AIG1: variants seen among roughly 807,000 people sequenced by gnomAD.
The protein encoded by AIG1 is androgen induced 1, also known as androgen-induced gene 1 protein.
Under a neutral mutation model 31.4 loss-of-function variants are expected in AIG1, and 23 were observed. The ratio of observed to expected loss-of-function variants is 0.73; its 90% CI spans 0.53 to 1.04. The LOEUF (loss-of-function observed/expected upper bound fraction) is 1.04, where lower values mean the gene tolerates loss of function less well. Ranked by LOEUF, AIG1 falls within the 50% of genes least tolerant of loss-of-function variation. AIG1 has a pLI of 0.00. For synonymous variants in AIG1, 100 were observed against 110.5 expected, an observed-to-expected ratio of 0.90 and a Z score of 0.60; for missense variants, 274 against 295.0, an observed-to-expected ratio of 0.93 and a Z score of 0.52.
intron 1 of AIG1, 120 bp downstream of exon 1, chr6:143,061,186 TC>T: frequency 8.2e-7 from 1 of 1,213,700 alleles, no homozygotes; most frequent in Non-Finnish European, 1.2e-6. Context: ...GCCTCCAGCA[TC>T]CACCCGTGTC....
intron 4 of AIG1, among the ~76,000 whole-genome samples, chr6:143,307,095 C>A (rs1799370262): frequency 6.6e-6 from 1 of 152,104 alleles, no homozygotes; most frequent in South Asian, 2.1e-4. Context: ...TCTAGTTATA[C>A]ATTCGTCTAA....
At chr6:143,274,719 T>C (rs915266430) in intron 3 of AIG1, among the ~76,000 whole-genome samples, 1 of 152,212 alleles carries the variant, frequency 6.6e-6, no homozygotes. Flanking sequence ...AAGCAGTGTG[T>C]GTCAGTAAAA....
intron 1 of AIG1, among the ~76,000 whole-genome samples, chr6:143,069,036 A>G (rs1776996285): frequency 6.6e-6 from 1 of 151,094 alleles, no homozygotes. Flanking sequence ...TTCTCTTGAA[A>G]TGGAGTCTCA....
chr6:143,149,493 C>T, intron 2 of AIG1, among the ~76,000 whole-genome samples: 1 of 138,178 alleles, frequency 7.2e-6, no homozygotes, highest in East Asian at 2.3e-4. Context: ...CGCCACTGCA[C>T]TCGCACTCTA....
intron 2 of AIG1, among the ~76,000 whole-genome samples, chr6:143,138,569 T>C (rs1783961317): frequency 6.6e-6 from 1 of 152,102 alleles, no homozygotes; most frequent in African/African-American, 2.4e-5. Flanking sequence ...GTGGAAGCCT[T>C]CGTTGGCTAG....
intron 3 of AIG1, among the ~76,000 whole-genome samples, chr6:143,269,157 C>A (rs1796340005): frequency 1.3e-5 from 2 of 152,232 alleles, no homozygotes; most frequent in African/African-American, 4.8e-5. Flanking sequence ...TAATAAACTT[C>A]TGCATGCTGA....
chr6:143,130,465 C>T (rs1783113658), intron 1 of AIG1, among the ~76,000 whole-genome samples: 1 of 151,758 alleles, frequency 6.6e-6, no homozygotes, highest in Non-Finnish European at 1.5e-5. Flanking sequence ...ACCTGCAATC[C>T]CAGCACTTTG....
intron 1 of AIG1, among the ~76,000 whole-genome samples, chr6:143,127,076 A>G (rs1312160408): frequency 2.0e-5 from 3 of 152,180 alleles, no homozygotes; most frequent in Admixed American, 6.5e-5. Flanking sequence ...TAGATAGACT[A>G]TTCCTCTCTG....
At chr6:143,085,667 C>A (rs1778705811) in intron 1 of AIG1, among the ~76,000 whole-genome samples, 1 of 152,136 alleles carries the variant, frequency 6.6e-6, no homozygotes, top group African/African-American at 2.4e-5. Flanking sequence ...TTTTTTGATT[C>A]CGTAAGTACT....
chr6:143,243,878 C>T (rs903215434), intron 3 of AIG1, among the ~76,000 whole-genome samples: 4 of 152,186 alleles, frequency 2.6e-5, no homozygotes, highest in Admixed American at 2.6e-4. Context: ...CCTCCTGCTG[C>T]CAATACAGAC....
At chr6:143,143,528 A>AAAAAAAATATAT (rs1554249782) in intron 2 of AIG1, among the ~76,000 whole-genome samples, 1 of 27,792 alleles carries the variant, frequency 3.6e-5, no homozygotes, top group African/African-American at 9.6e-5. Flanking sequence ...AAAAAAAAAA[A>AAAAAAAATATAT]ATATATATAT....
At chr6:143,231,409 G>C (rs4895603) in intron 3 of AIG1, among the ~76,000 whole-genome samples, 2 of 152,174 alleles carry the variant, frequency 1.3e-5, no homozygotes, top group Non-Finnish European at 2.9e-5. Context: ...ATAAGATGAG[G>C]CGCATTGACT....
At chr6:143,064,025 A>C (rs895584650) in intron 1 of AIG1, among the ~76,000 whole-genome samples, 10 of 152,270 alleles carry the variant, frequency 6.6e-5, no homozygotes, top group Admixed American at 2.0e-4. Flanking sequence ...TAAGAGAACT[A>C]AGGTGTTTTT....
intron 1 of AIG1, among the ~76,000 whole-genome samples, chr6:143,107,684 A>G (rs1008931960): frequency 2.0e-5 from 3 of 152,212 alleles, no homozygotes; most frequent in African/African-American, 7.2e-5. Flanking sequence ...ACAGGACAGG[A>G]AAGAGGGGAA....
chr6:143,100,936 C>T (rs564270590), intron 1 of AIG1, among the ~76,000 whole-genome samples: 30 of 152,248 alleles, frequency 2.0e-4, no homozygotes, highest in Non-Finnish European at 3.4e-4. Context: ...CCACCCGCCT[C>T]GGCCTCCCAA....
intron 2 of AIG1, among the ~76,000 whole-genome samples, chr6:143,140,397 C>T (rs1784148706): frequency 6.6e-6 from 1 of 152,106 alleles, no homozygotes; most frequent in Non-Finnish European, 1.5e-5. Context: ...TGTTATTTCC[C>T]ACCTTTCCTT....
chr6:143,102,455 GAT>G (rs371528173), intron 1 of AIG1, among the ~76,000 whole-genome samples: 52 of 141,416 alleles, frequency 3.7e-4, no homozygotes, highest in African/African-American at 8.0e-4. Context: ...GGCCTCTTAG[GAT>G]ATATATATAT....
chr6:143,139,232 A>C (rs1784040184), intron 2 of AIG1, among the ~76,000 whole-genome samples: 1 of 152,124 alleles, frequency 6.6e-6, no homozygotes, highest in Non-Finnish European at 1.5e-5. Context: ...TCCATCTATC[A>C]CTGTCTTTGT....
chr6:143,168,498 A>G (rs1055684388), intron 3 of AIG1, among the ~76,000 whole-genome samples: 1 of 149,762 alleles, frequency 6.7e-6, no homozygotes, highest in African/African-American at 2.5e-5. Context: ...ATGAGTGAGA[A>G]CATGCGGTGT....
Sources: gnomAD v4.1 joint callset for allele counts (sites outside exome capture counted in the v4.1 genomes callset) on GRCh38, gnomAD v4.1.1 for gene constraint, MANE v1.5 for transcripts, NCBI Gene and HGNC (gene_info 2026-07-23, HGNC 2026-07-21) for gene names.